The following EPS8 variants were observed in gnomAD, a reference collection of about 807,000 sequenced individuals.
EPS8 encodes epidermal growth factor receptor kinase substrate 8.
A neutral mutation model predicts 103.8 loss-of-function variants in EPS8; 42 were observed. The ratio of observed to expected loss-of-function variants is 0.40; its 90% confidence interval spans 0.32 to 0.52. The LOEUF (loss-of-function observed/expected upper bound fraction) is 0.52, where lower values mean the gene tolerates loss of function less well. EPS8 is among the 20% of genes least tolerant of loss of function. The pLI is 0.40. For synonymous variants in EPS8, 344 were observed against 344.6 expected (o/e 1.00, Z 0.02); for missense variants, 969 against 1,005.1 (o/e 0.96, Z 0.49).
At position 15,787,689 on chromosome 12, in the gene EPS8, T is replaced by G. The variant is rs1947324546; in HGVS notation, c.-22+1472A>C. The stretch of plus-strand genomic sequence containing the variant: ...CTGCTATAAAGTGAATGACTTGTGG[T>G]GCAATCTTACAAAGTCTCAATCTGT... On this transcript the variant is annotated intron_variant, in intron 1 of 20. Transcript: ENST00000281172. This position sits in a 1 kb window ranked among gnomAD's most constrained non-coding sequence, Gnocchi z 4.9. 6.6e-6 allele frequency among the ~76,000 whole-genome samples: 1 copy of G among 152,184 alleles called. No homozygotes were observed.
At chr12:15,664,072 T>A (rs1945665659) in intron 8 of EPS8, among the ~76,000 whole-genome samples, 1 of 149,228 alleles carries the variant, frequency 6.7e-6, no homozygotes, top group Non-Finnish European at 1.5e-5. Context: ...TTGTTCAGAA[T>A]GTCTGTAAAC....
At chr12:15,737,986 T>G (rs925744452) in intron 1 of EPS8, among the ~76,000 whole-genome samples, 10 of 152,094 alleles carry the variant, frequency 6.6e-5, no homozygotes, top group African/African-American at 2.4e-4. Flanking sequence ...TTTTTCCACT[T>G]TTTATACAAA....
intron 14 of EPS8, among the ~76,000 whole-genome samples, chr12:15,650,165 A>C (rs1311589022): frequency 6.6e-6 from 1 of 152,218 alleles, no homozygotes; most frequent in Admixed American, 6.5e-5. Flanking sequence ...TAAATACTTA[A>C]AAGATAAAAT....
chr12:15,669,510 G>A lies in EPS8; in HGVS notation c.393C>T (p.Asn131=). ...SKNELENFPL[N]TIQHCQAVMH... ...TCACAGCTTGGCAGTGCTGGATTGTGTTTAAAGGAAAATTCTCCAGTTCAT... is the reference window on the plus strand; with the variant it reads ...TCACAGCTTGGCAGTGCTGGATTGTATTTAAAGGAAAATTCTCCAGTTCAT... The change falls in exon 6 of 21, where the codon AAC becomes AAT. Residue 131 remains asparagine (N), a synonymous_variant. Coordinates refer to ENST00000281172, the MANE Select transcript of EPS8 (RefSeq NM_004447.6). 1.9e-6 allele frequency: 3 copies of A among 1,604,312 alleles called. No homozygotes were observed. Among genetic ancestry groups the A allele is most frequent in the Non-Finnish European group, 2.5e-6 (3 of 1,176,492 alleles).
At chr12:15,670,595 C>T (rs535452506) in intron 4 of EPS8, among the ~76,000 whole-genome samples, 1 of 151,994 alleles carries the variant, frequency 6.6e-6, no homozygotes, top group South Asian at 2.1e-4. Context: ...AAGTAAAAGC[C>T]ATTATTCTAT....
At chr12:15,680,367 C>A (rs1455245237) in intron 3 of EPS8, among the ~76,000 whole-genome samples, 1 of 152,110 alleles carries the variant, frequency 6.6e-6, no homozygotes, top group Non-Finnish European at 1.5e-5. Flanking sequence ...CAAACACATA[C>A]AGTGTTTTCT....
In EPS8 at chr12:15,698,837, C is replaced by A. The variant is rs1946275603; in HGVS notation, c.-21-15865G>T. Among the ~76,000 whole-genome samples the A allele has an allele frequency of 6.6e-6, 1 of 152,182 alleles. No individual in the cohort carries two copies. The highest frequency in any genetic ancestry group is 1.9e-4 in the East Asian group (1 of 5,194). On this transcript the variant is annotated intron_variant, in intron 1 of 20. Coordinates refer to ENST00000281172, the MANE Select transcript of EPS8 (RefSeq NM_004447.6). This position sits in a 1 kb window ranked among gnomAD's most constrained non-coding sequence, Gnocchi z 4.9. ...GTCAGTTTTGCCAAGAGCCACATGA[C>A]TGCTTCCCCATTATGAAGGAAATAG...
intron 18 of EPS8, among the ~76,000 whole-genome samples, chr12:15,627,664 T>C (rs1301583704): frequency 6.6e-6 from 1 of 152,214 alleles, no homozygotes; most frequent in Non-Finnish European, 1.5e-5. Context: ...TTTGATTAAC[T>C]TCCCTAGCTA....
In EPS8 at chr12:15,780,254, C is replaced by T. The variant is rs562440012; in HGVS notation, c.-22+8907G>A. 1 of 151,804 alleles carries T rather than the reference C, an allele frequency of 6.6e-6. No homozygotes were observed. 9.4% of individuals were successfully genotyped at this position (151,804 alleles called of 1,614,324 possible). A position where few individuals can be genotyped will look rare whatever the true frequency, so the allele number is the denominator to read the frequency against. Reference sequence around the variant, plus strand: ...TGCTCATTCAGTTCTTTCTAATACTCCCGTAAGCTCTGAATGTGGGAATGT... The same window carrying T: ...TGCTCATTCAGTTCTTTCTAATACTTCCGTAAGCTCTGAATGTGGGAATGT... On this transcript the variant is annotated intron_variant, in intron 1 of 20. Transcript: ENST00000281172. The surrounding 1 kb of genome is among the most constrained non-coding windows in gnomAD (Gnocchi z 4.1).
chr12:15,657,775 G>A, intron 12 of EPS8: 1 of 244,038 alleles, frequency 4.1e-6, no homozygotes, highest in Non-Finnish European at 7.8e-6. Context: ...GTTATTCAAG[G>A]CACTGGATAT....
Position 15,736,736 on chromosome 12 carries a change from A to G in EPS8, c.-22+52425T>C, listed in dbSNP as rs1276507250. Among the ~76,000 whole-genome samples the G allele has an allele frequency of 1.3e-5, 2 of 152,190 alleles. No homozygotes were observed. Among genetic ancestry groups the G allele is most frequent in the Admixed American group, 1.3e-4 (2 of 15,280 alleles). On this transcript the variant is annotated intron_variant, in intron 1 of 20. Transcript: ENST00000281172. The surrounding 1 kb of genome is among the most constrained non-coding windows in gnomAD (Gnocchi z 4.2). ...TAATGAGAGAAAAATAATACATAAGATGCAAAGAAAAAATGCATAAGGCAT... is the reference window on the plus strand; with the variant it reads ...TAATGAGAGAAAAATAATACATAAGGTGCAAAGAAAAAATGCATAAGGCAT...
Position 15,724,719 on chromosome 12 carries a change from T to A in EPS8, c.-21-41747A>T, listed in dbSNP as rs1946634173. On this transcript the variant is annotated intron_variant, in intron 1 of 20. Transcript: ENST00000281172. The stretch of plus-strand genomic sequence containing the variant: ...ATGGTAGTGAATAAATCTCAAGAGA[T>A]CTGACAGTTTTATAAGGGGTTTTTC... 2.0e-5 allele frequency among the ~76,000 whole-genome samples: 3 copies of A among 152,154 alleles called. No homozygotes were observed. The South Asian group carries it at 6.2e-4, about 32-fold the overall frequency.
intron 3 of EPS8, among the ~76,000 whole-genome samples, chr12:15,676,982 T>TA (rs1228704477): frequency 6.6e-6 from 1 of 152,214 alleles, no homozygotes; most frequent in African/African-American, 2.4e-5. Context: ...ATACCACTTA[T>TA]AAAAAATATT....
At chr12:15,677,479 G>A (rs1945929004) in intron 3 of EPS8, among the ~76,000 whole-genome samples, 1 of 152,132 alleles carries the variant, frequency 6.6e-6, no homozygotes, top group Non-Finnish European at 1.5e-5. Flanking sequence ...TGTGGTCAGT[G>A]CGTAAAAAAC....
chr12:15,669,443 T>C lies in EPS8; in HGVS notation c.460A>G (p.Lys154Glu). The change falls in exon 6 of 21, where the codon AAA becomes GAA. Residue 154 changes from lysine (K) to glutamate (E), a missense_variant. Transcript: ENST00000281172. Reference sequence around the variant, plus strand: ...TCTGGCTTGTTCTGGGTTGGCTCTTTGCACACCAGTGCAAGAACTGAATCA... The same window carrying C: ...TCTGGCTTGTTCTGGGTTGGCTCTTCGCACACCAGTGCAAGAACTGAATCA... The part of the protein sequence containing the change: ...SYDSVLALVC[K>E]EPTQNKPDLH... 1 of 1,614,114 alleles carries C rather than the reference T, an allele frequency of 6.2e-7. No homozygotes were observed. The highest frequency in any genetic ancestry group is 1.1e-5 in the South Asian group (1 of 91,078).
At chr12:15,783,496 A>G (rs1258488968) in intron 1 of EPS8, among the ~76,000 whole-genome samples, 1 of 152,182 alleles carries the variant, frequency 6.6e-6, no homozygotes, top group African/African-American at 2.4e-5. Flanking sequence ...CAGGAAGAAT[A>G]GCATGGGAAA....
In EPS8 at chr12:15,785,806, A is replaced by T. The variant is rs1012005921; in HGVS notation, c.-22+3355T>A. On this transcript the variant is annotated intron_variant, in intron 1 of 20. Transcript: ENST00000281172. The surrounding 1 kb of genome is among the most constrained non-coding windows in gnomAD (Gnocchi z 4.9). ...AAAGTAAGGAAATGCTTCCAAAAAA[A>T]CAAAATTCACATTGATGGTAGTATG... is the stretch of plus-strand genomic sequence containing the variant. Among the ~76,000 whole-genome samples, 1 of 152,076 alleles carries T rather than the reference A, an allele frequency of 6.6e-6. No homozygotes were observed. The highest frequency in any genetic ancestry group is 1.5e-5 in the Non-Finnish European group (1 of 67,928).
At position 15,713,945 on chromosome 12, in the gene EPS8, T is replaced by G. The variant is rs1946499537; in HGVS notation, c.-21-30973A>C. On this transcript the variant is annotated intron_variant, in intron 1 of 20. Coordinates refer to ENST00000281172, the MANE Select transcript of EPS8 (RefSeq NM_004447.6). This position sits in a 1 kb window ranked among gnomAD's most constrained non-coding sequence, Gnocchi z 4.8. The stretch of plus-strand genomic sequence containing the variant: ...ATGAGAATCTCCTAGGTAAAAAAAT[T>G]AAGAATCTCCAATCTAAGGAATTAG... Among the ~76,000 whole-genome samples, 1 of 152,130 alleles carries G rather than the reference T, an allele frequency of 6.6e-6. No individual in the cohort carries two copies. The highest frequency in any genetic ancestry group is 2.4e-5 in the African/African-American group (1 of 41,444).
At chr12:15,682,467 T>G (rs528284861) in intron 2 of EPS8, among the ~76,000 whole-genome samples, 35 of 152,340 alleles carry the variant, frequency 2.3e-4, no homozygotes, top group African/African-American at 7.9e-4. Flanking sequence ...TTGCCTGATC[T>G]TTTCTAGTTT....
Sources: gnomAD v4.1 joint callset for allele counts (sites outside exome capture counted in the v4.1 genomes callset) on GRCh38, gnomAD v4.1.1 for gene constraint, Gnocchi (gnomAD v3.1) non-coding constraint, MANE v1.5 for transcripts, NCBI Gene and HGNC (gene_info 2026-07-23, HGNC 2026-07-21) for gene names.